Variants in ADK observed in about 807,000 individuals in gnomAD.
The protein encoded by ADK is N6,N6-dimethyladenosine kinase.
In ADK, 24 loss-of-function variants were observed where a neutral mutation model predicts 44.7. The ratio of observed to expected loss-of-function variants is 0.54; its 90% CI spans 0.39 to 0.76. The LOEUF is 0.76. Ranked by LOEUF, ADK falls within the 30% of genes least tolerant of loss-of-function variation. The probability of loss-of-function intolerance (pLI) is 0.00; values close to 1 mark genes in which losing one functional copy is unlikely to be tolerated. For missense variants in ADK, 321 were observed against 425.1 expected (o/e 0.76, Z 2.15); for synonymous variants, 128 against 142.6 (o/e 0.90, Z 0.73).
intron 3 of ADK, among the ~76,000 whole-genome samples, chr10:74,288,510 CG>C (rs1354612534): frequency 1.3e-5 from 2 of 151,988 alleles, no homozygotes; most frequent in African/African-American, 4.8e-5. Context: ...ATTAGCCAGG[CG>C]TGGTGGCGGG....
At chr10:74,426,222 A>G (rs1019796187) in intron 6 of ADK, among the ~76,000 whole-genome samples, 2 of 152,168 alleles carry the variant, frequency 1.3e-5, no homozygotes, top group Admixed American at 6.5e-5. Context: ...CCCATTATAT[A>G]TGAGACTAAA....
At chr10:74,283,766 C>T (rs776787425) in intron 3 of ADK, among the ~76,000 whole-genome samples, 67 of 150,056 alleles carry the variant, frequency 4.5e-4, no homozygotes, top group Admixed American at 1.1e-3. Flanking sequence ...CTGCAAGATC[C>T]GCCTCCTGAG....
intron 1 of ADK, among the ~76,000 whole-genome samples, chr10:74,178,758 G>A (rs930221284): frequency 5.9e-5 from 9 of 152,312 alleles, no homozygotes; most frequent in Admixed American, 5.9e-4. Flanking sequence ...TTCTTCAGAT[G>A]TCAGTCTGTA....
chr10:74,371,551 A>G, intron 4 of ADK: 1 of 1,154,490 alleles, frequency 8.7e-7, no homozygotes, highest in South Asian at 1.3e-5. Context: ...GGAGCCCTTG[A>G]TGTCCTGCAA....
chr10:74,537,319 A>G (rs1849488049), intron 7 of ADK, among the ~76,000 whole-genome samples: 1 of 152,214 alleles, frequency 6.6e-6, no homozygotes, highest in East Asian at 1.9e-4. Context: ...TCCTTGTTAA[A>G]GTAGTTCCAA....
chr10:74,288,963 T>C (rs1847298384), intron 3 of ADK, among the ~76,000 whole-genome samples: 1 of 152,228 alleles, frequency 6.6e-6, no homozygotes, highest in Non-Finnish European at 1.5e-5. Context: ...GCAGCTGATT[T>C]GGAGAATGAG....
At chr10:74,412,612 G>T (rs2132960236) in intron 6 of ADK, among the ~76,000 whole-genome samples, 1 of 152,324 alleles carries the variant, frequency 6.6e-6, no homozygotes, top group African/African-American at 2.4e-5. Flanking sequence ...GCTGCAGAAT[G>T]AATGTTGTTT....
intron 4 of ADK, among the ~76,000 whole-genome samples, chr10:74,354,955 T>C (rs536919517): frequency 1.3e-5 from 2 of 152,316 alleles, no homozygotes; most frequent in East Asian, 3.9e-4. Flanking sequence ...TTAAGTACAG[T>C]GTGGTATATC....
intron 9 of ADK, among the ~76,000 whole-genome samples, chr10:74,630,030 A>G (rs1274455231): frequency 2.0e-5 from 3 of 152,208 alleles, no homozygotes; most frequent in Non-Finnish European, 4.4e-5. Flanking sequence ...ACAGATTTAC[A>G]TGCAAGAATG....
At chr10:74,485,122 G>A (rs1489846743) in intron 6 of ADK, among the ~76,000 whole-genome samples, 1 of 151,982 alleles carries the variant, frequency 6.6e-6, no homozygotes, top group Non-Finnish European at 1.5e-5. Context: ...GAAGACATGT[G>A]TGACACAAAT....
intron 6 of ADK, among the ~76,000 whole-genome samples, chr10:74,429,835 T>C (rs1028244516): frequency 2.6e-5 from 4 of 152,216 alleles, no homozygotes; most frequent in African/African-American, 9.6e-5. Flanking sequence ...GCCTATTATG[T>C]ACCAGATAGT....
At chr10:74,380,514 T>A (rs1030092934) in intron 4 of ADK, among the ~76,000 whole-genome samples, 1 of 152,050 alleles carries the variant, frequency 6.6e-6, no homozygotes, top group Non-Finnish European at 1.5e-5. Context: ...TCCCAGCACT[T>A]TGGGGAGGCT....
chr10:74,507,064 AT>A (rs1220561407), intron 6 of ADK, among the ~76,000 whole-genome samples: 1 of 152,160 alleles, frequency 6.6e-6, no homozygotes, highest in Non-Finnish European at 1.5e-5. Flanking sequence ...ATTTATATGT[AT>A]TTTTCTTAAC....
intron 1 of ADK, 23 bp from the exon 2 acceptor site, chr10:74,200,741 A>G: frequency 1.3e-6 from 2 of 1,521,868 alleles, no homozygotes; most frequent in Non-Finnish European, 1.8e-6. Context: ...AGTATTTCTA[A>G]CTTGTGTTTT....
At chr10:74,620,704 T>C (rs981184307) in intron 9 of ADK, among the ~76,000 whole-genome samples, 6 of 151,396 alleles carry the variant, frequency 4.0e-5, no homozygotes, top group South Asian at 2.1e-4. Flanking sequence ...CAGCATCTGC[T>C]TTTTTTTTCT....
At chr10:74,205,189 A>G (rs1427155041) in intron 2 of ADK, among the ~76,000 whole-genome samples, 2 of 151,518 alleles carry the variant, frequency 1.3e-5, no homozygotes, top group Admixed American at 6.6e-5. Context: ...TACTTCTTCT[A>G]TCTTTCTATT....
chr10:74,267,883 G>T (rs1846276903), intron 3 of ADK, among the ~76,000 whole-genome samples: 1 of 151,694 alleles, frequency 6.6e-6, no homozygotes, highest in African/African-American at 2.4e-5. Context: ...TATCTACTCT[G>T]CAACTGGAGA....
intron 3 of ADK, among the ~76,000 whole-genome samples, chr10:74,247,029 T>C (rs1845439421): frequency 6.6e-6 from 1 of 151,862 alleles, no homozygotes; most frequent in Non-Finnish European, 1.5e-5. Context: ...TACTCGATAC[T>C]CTTTTTAAAG....
intron 6 of ADK, among the ~76,000 whole-genome samples, chr10:74,400,696 T>G (rs1435371404): frequency 6.6e-6 from 1 of 152,214 alleles, no homozygotes; most frequent in Non-Finnish European, 1.5e-5. Context: ...GTTTAAGAAA[T>G]TAAAGTTCTG....
Sources: gnomAD v4.1 joint callset for allele counts (sites outside exome capture counted in the v4.1 genomes callset) on GRCh38, gnomAD v4.1.1 for gene constraint, MANE v1.5 for transcripts, NCBI Gene and HGNC (gene_info 2026-07-23, HGNC 2026-07-21) for gene names.